The following SLC17A1 variants were observed in gnomAD, a reference collection of about 807,000 sequenced individuals.
SLC17A1 encodes solute carrier family 17 member 1.
A neutral mutation model predicts 53.5 loss-of-function variants in SLC17A1; 51 were observed. The observed-to-expected ratio is 0.95, with a 90% confidence interval of 0.76 to 1.20. The LOEUF is 1.20. Among genes scored for constraint, SLC17A1 ranks in the 50% most tolerant of loss-of-function variants. The pLI, the probability that SLC17A1 is intolerant of heterozygous loss-of-function variation, is 0.00. For missense variants in SLC17A1, 538 were observed against 568.2 expected, an observed-to-expected ratio of 0.95 and a Z score of 0.54; for synonymous variants, 179 against 198.8, an observed-to-expected ratio of 0.90 and a Z score of 0.84.
Position 25,785,912 on chromosome 6 carries a change from G to A in SLC17A1, c.*3-2694C>T, listed in dbSNP as rs563400003. 3.0e-4 allele frequency among the ~76,000 whole-genome samples: 45 copies of A among 152,248 alleles called. No homozygotes were observed. The South Asian group carries it at 3.3e-3, about 11-fold the overall frequency. On this transcript the variant is annotated intron_variant, in intron 12 of 12. Transcript: ENST00000244527. ...AGTCTGATGCTGTGGAGAAGAGTTT[G>A]GCAGTCCCTCAAAACGTTAAACCTA...
At chr6:25,742,387 T>C in the SLC17A1 span, among the ~76,000 whole-genome samples, 1 of 151,866 alleles carries the variant, frequency 6.6e-6, no homozygotes, top group Non-Finnish European at 1.5e-5. Context: ...CAGTGGGGCA[T>C]AGTGACTCAT....
downstream of SLC17A1, chr6:25,779,287 C>A: frequency 1.3e-6 from 2 of 1,505,820 alleles, no homozygotes; most frequent in Non-Finnish European, 1.8e-6. Flanking sequence ...AAGCCATTAG[C>A]TAGACCCTGA....
chr6:25,802,224 T>A (rs192696192), intron 10 of SLC17A1, among the ~76,000 whole-genome samples: 1 of 152,336 alleles, frequency 6.6e-6, no homozygotes, highest in African/African-American at 2.4e-5. Flanking sequence ...TTGTTTTTTA[T>A]CTTCCAATTT....
chr6:25,792,435 C>T (rs1247509497), intron 12 of SLC17A1, among the ~76,000 whole-genome samples: 1 of 151,700 alleles, frequency 6.6e-6, no homozygotes, highest in African/African-American at 2.4e-5. Context: ...CCAGACCAGT[C>T]TACAAGTCTT....
At chr6:25,808,670 C>A (rs1364871516) in intron 10 of SLC17A1, among the ~76,000 whole-genome samples, 1 of 151,908 alleles carries the variant, frequency 6.6e-6, no homozygotes, top group Non-Finnish European at 1.5e-5. Flanking sequence ...CATCACTAAT[C>A]CTCAGAGTAG....
chr6:25,803,674 C>T (rs193040084), intron 10 of SLC17A1, among the ~76,000 whole-genome samples: 34 of 152,136 alleles, frequency 2.2e-4, no homozygotes, highest in Admixed American at 1.0e-3. Flanking sequence ...AATTAAGTAT[C>T]TGAACCTCAG....
At chr6:25,744,986 T>G in the SLC17A1 span, among the ~76,000 whole-genome samples, 1 of 141,632 alleles carries the variant, frequency 7.1e-6, no homozygotes, top group Non-Finnish European at 1.6e-5. Context: ...TGACATACTT[T>G]CATTTTCCTT....
chr6:25,764,215 G>A, the SLC17A1 span, among the ~76,000 whole-genome samples: 2 of 152,148 alleles, frequency 1.3e-5, no homozygotes, highest in African/African-American at 4.8e-5. Flanking sequence ...CCTCATTTGT[G>A]GAATCTGAAT....
the SLC17A1 span, chr6:25,769,133 G>T: frequency 6.2e-7 from 1 of 1,614,002 alleles, no homozygotes; most frequent in African/African-American, 1.3e-5. Flanking sequence ...CCACAGAACG[G>T]CCCTCCACTG....
chr6:25,801,012 A>G, intron 10 of SLC17A1, 32 bp from the exon 11 acceptor site: 2 of 1,175,190 alleles, frequency 1.7e-6, no homozygotes, highest in Non-Finnish European at 2.6e-6. Context: ...ACAAATGTAA[A>G]GTAGTACAAA....
At chr6:25,738,890 A>G in the SLC17A1 span, among the ~76,000 whole-genome samples, 1 of 152,170 alleles carries the variant, frequency 6.6e-6, no homozygotes, top group South Asian at 2.1e-4. Flanking sequence ...ACATCAAATG[A>G]TGGCATGAAT....
chr6:25,775,847 A>C, the SLC17A1 span, among the ~76,000 whole-genome samples: 1 of 152,212 alleles, frequency 6.6e-6, no homozygotes, highest in Non-Finnish European at 1.5e-5. Context: ...ATATGCCGCT[A>C]TGCTTATATA....
intron 2 of SLC17A1, 33 bp downstream of exon 2, chr6:25,830,491 A>G (rs1431872813): frequency 1.4e-6 from 2 of 1,469,064 alleles, no homozygotes; most frequent in East Asian, 2.3e-5. Context: ...AAGAAAAAGA[A>G]CACCTGTTTA....
intron 10 of SLC17A1, among the ~76,000 whole-genome samples, chr6:25,807,919 T>C (rs572881638): frequency 2.5e-4 from 38 of 152,180 alleles, no homozygotes; most frequent in Admixed American, 1.9e-3. Flanking sequence ...ATTGTGCTGC[T>C]ATAAACATGC....
intron 3 of SLC17A1, among the ~76,000 whole-genome samples, chr6:25,823,095 T>C (rs144886122): frequency 8.7e-4 from 133 of 152,264 alleles, no homozygotes; most frequent in Middle Eastern, 3.4e-3. Flanking sequence ...TTGGCATAAT[T>C]ATCTTCAGTT....
At position 25,789,276 on chromosome 6, in the gene SLC17A1, C is replaced by A. The variant is rs537751173; in HGVS notation, c.*3-6058G>T. Among the ~76,000 whole-genome samples the A allele has an allele frequency of 5.7e-4, 86 of 152,074 alleles. 1 individual carries two copies. The highest frequency in any genetic ancestry group is 3.4e-3 in the Middle Eastern group (1 of 292). Reference sequence around the variant, plus strand: ...AACCTCCAACTGGCCAAAATTGAGACAAATTGAGCATCAAAGTAAACAAAA... The same window carrying A: ...AACCTCCAACTGGCCAAAATTGAGAAAAATTGAGCATCAAAGTAAACAAAA... On this transcript the variant is annotated intron_variant, in intron 12 of 12. Coordinates refer to ENST00000244527, the MANE Select transcript of SLC17A1 (RefSeq NM_005074.5).
chr6:25,770,159 T>C, the SLC17A1 span: 22 of 1,614,114 alleles, frequency 1.4e-5, no homozygotes, highest in Non-Finnish European at 1.8e-5. Context: ...CCAGTGGCTA[T>C]GTGGCTGGAA....
In SLC17A1 at chr6:25,811,712, C is replaced by A. The variant is rs1449200258; in HGVS notation, c.956G>T (p.Gly319Val). ...GGTCAGGAAGAAGTCTGATAACTGA[C>A]CTGCTAGGTTACCACAGATCCAGGC... ...LFAWICGNLA[G>V]QLSDFFLTRN... The change falls in exon 9 of 13, where the codon GGT becomes GTT. Residue 319 changes from glycine to valine, a missense_variant. Physicochemically the swap from Gly to Val is moderately radical, Grantham distance 109. Coordinates refer to ENST00000244527, the MANE Select transcript of SLC17A1 (RefSeq NM_005074.5). 3 of 1,613,822 alleles carry A rather than the reference C, an allele frequency of 1.9e-6. No homozygotes were observed. Among genetic ancestry groups the A allele is most frequent in the Non-Finnish European group, 2.5e-6 (3 of 1,179,782 alleles).
chr6:25,767,092 C>T, the SLC17A1 span, among the ~76,000 whole-genome samples: 14 of 151,876 alleles, frequency 9.2e-5, no homozygotes, highest in Non-Finnish European at 1.8e-4. Context: ...CTAAAACTGT[C>T]CTAAAATTAA....
Sources: allele counts gnomAD v4.1 joint callset (sites outside exome capture counted in the v4.1 genomes callset), GRCh38; gene constraint gnomAD v4.1.1; transcripts MANE v1.5; gene names NCBI Gene and HGNC (gene_info 2026-07-23, HGNC 2026-07-21).